CRISP2: variants seen among roughly 807,000 people sequenced by gnomAD.
The protein encoded by CRISP2 is cysteine-rich secretory protein 2.
In CRISP2, 29 loss-of-function variants were observed where a neutral mutation model predicts 31.7. The observed-to-expected ratio is 0.92, with a 90% CI of 0.68 to 1.25. The LOEUF is 1.25. Among genes scored for constraint, CRISP2 ranks in the 50% most tolerant of loss-of-function variants. CRISP2 has a pLI of 0.00. For synonymous variants in CRISP2, 111 were observed against 101.4 expected (o/e 1.09, Z -0.57); for missense variants, 318 against 286.5 (o/e 1.11, Z -0.79).
At chr6:49,707,915 T>C (rs1767349054) in intron 4 of CRISP2, among the ~76,000 whole-genome samples, 1 of 152,210 alleles carries the variant, frequency 6.6e-6, no homozygotes, top group African/African-American at 2.4e-5. Context: ...GAAATAACTC[T>C]AGGACCTGAA....
At chr6:49,713,778 G>A (rs1237539052), upstream of CRISP2, among the ~76,000 whole-genome samples, 2 of 152,144 alleles carry the variant, frequency 1.3e-5, no homozygotes, top group African/African-American at 4.8e-5. Context: ...GCATACCTGC[G>A]CCGTACTAGG....
At chr6:49,694,964 C>A (rs963237745) in intron 9 of CRISP2, among the ~76,000 whole-genome samples, 1 of 151,918 alleles carries the variant, frequency 6.6e-6, no homozygotes, top group East Asian at 1.9e-4. Context: ...GAACTCCTGA[C>A]CTTGTGATCC....
At chr6:49,689,018 C>T (rs1418970023), downstream of CRISP2, among the ~76,000 whole-genome samples, 3 of 151,946 alleles carry the variant, frequency 2.0e-5, no homozygotes, top group Admixed American at 6.6e-5. Context: ...ATTATAGGCA[C>T]CTGCCATGAC....
At chr6:49,702,240 G>T (rs180707127) in intron 4 of CRISP2, among the ~76,000 whole-genome samples, 7 of 136,932 alleles carry the variant, frequency 5.1e-5, no homozygotes, top group Admixed American at 4.9e-4. Context: ...CTATATTTTT[G>T]CAATTGTGAA....
chr6:49,683,982 A>ATTGTGGT, the CRISP2 span, among the ~76,000 whole-genome samples: 20 of 152,078 alleles, frequency 1.3e-4, 1 homozygote, highest in East Asian at 3.9e-3. Flanking sequence ...TAGTGCTTAA[A>ATTGTGGT]AGTATAAGAC....
chr6:49,713,588 T>A (rs1182445385), upstream of CRISP2: 2 of 152,210 alleles, frequency 1.3e-5, no homozygotes. Context: ...AGGCGCCACG[T>A]GTGGGCGACG....
chr6:49,685,562 G>A, the CRISP2 span, among the ~76,000 whole-genome samples: 1 of 151,950 alleles, frequency 6.6e-6, no homozygotes, highest in Non-Finnish European at 1.5e-5. Flanking sequence ...GAGAAACCTG[G>A]TTCTCATTAT....
At chr6:49,713,115 A>G (rs943358032) in intron 1 of CRISP2, among the ~76,000 whole-genome samples, 2 of 152,206 alleles carry the variant, frequency 1.3e-5, no homozygotes, top group African/African-American at 4.8e-5. Flanking sequence ...TGTACATTCA[A>G]AACATCAATT....
the CRISP2 span, among the ~76,000 whole-genome samples, chr6:49,683,683 AAAAAAAAAAAAATATATATATATATAT>A: frequency 1.9e-5 from 1 of 51,868 alleles, no homozygotes; most frequent in Non-Finnish European, 3.9e-5. Context: ...AAAAAAAAAA[AAAAAAAAAAAAATATATATATATATAT>A]ATATATATAT....
At chr6:49,697,638 A>G (rs1764990818) in intron 8 of CRISP2, 1 of 1,247,060 alleles carries the variant, frequency 8.0e-7, no homozygotes, top group Admixed American at 2.1e-5. Flanking sequence ...AAAAGACATT[A>G]TTCTGTTAAT....
chr6:49,704,589 G>T (rs372800949), intron 4 of CRISP2, among the ~76,000 whole-genome samples: 15 of 152,114 alleles, frequency 9.9e-5, no homozygotes, highest in African/African-American at 3.6e-4. Context: ...CTTCCTGAGA[G>T]CCAGACTGCA....
downstream of CRISP2, among the ~76,000 whole-genome samples, chr6:49,691,823 A>G (rs1218945688): frequency 6.6e-6 from 1 of 152,076 alleles, no homozygotes; most frequent in East Asian, 1.9e-4. Context: ...CTTAATGGTT[A>G]TAGGATGATT....
intron 4 of CRISP2, among the ~76,000 whole-genome samples, chr6:49,702,227 G>C (rs189134830): frequency 7.6e-6 from 1 of 132,266 alleles, no homozygotes; most frequent in Non-Finnish European, 1.6e-5. Context: ...ACTCGGGCTG[G>C]TTCTATATTT....
At chr6:49,683,774 CCTGA>C in the CRISP2 span, among the ~76,000 whole-genome samples, 217 of 128,334 alleles carry the variant, frequency 1.7e-3, 1 homozygote, top group South Asian at 0.019. Flanking sequence ...ATATTCTAAG[CCTGA>C]CTACCATTGA....
chr6:49,707,180 G>T (rs1767191126), intron 4 of CRISP2, among the ~76,000 whole-genome samples: 1 of 152,064 alleles, frequency 6.6e-6, no homozygotes, highest in Non-Finnish European at 1.5e-5. Context: ...AACATATCGA[G>T]AATAAAATAA....
At chr6:49,701,500 GTATA>G (rs1165518459) in intron 4 of CRISP2, among the ~76,000 whole-genome samples, 3,176 of 46,392 alleles carry the variant, frequency 0.068, 121 homozygotes, top group Non-Finnish European at 0.083. Flanking sequence ...GTGTGTGTGT[GTATA>G]TATATATATA....
rs767270333 is a variant in CRISP2, at chr6:49,709,231, CA to C, written c.-9-27del. On this transcript the variant is annotated intron_variant, in intron 3 of 9. Coordinates refer to ENST00000339139, the MANE Select transcript of CRISP2 (RefSeq NM_003296.4). Reference sequence around the variant, plus strand: ...CTAAGTCAAGAAAAACAAAGGTCTGCATTGAAATATGTAGTTTAAAAAACTT... The same window carrying C: ...CTAAGTCAAGAAAAACAAAGGTCTGCTTGAAATATGTAGTTTAAAAAACTT... 2.3e-4 allele frequency: 370 copies of C among 1,608,098 alleles called. 3 individuals are homozygous for C. In the South Asian group the frequency reaches 3.6e-3, roughly 16 times the overall value.
chr6:49,712,089 A>T (rs1022288248), intron 2 of CRISP2, among the ~76,000 whole-genome samples: 1 of 152,210 alleles, frequency 6.6e-6, no homozygotes, highest in African/African-American at 2.4e-5. Flanking sequence ...GTATAATCTA[A>T]TTCGAGATTC....
In CRISP2 at chr6:49,709,249, A is replaced by C; in HGVS notation, c.-9-44T>G. Reference sequence around the variant, plus strand: ...AGGTCTGCATTGAAATATGTAGTTTAAAAAACTTCTAAGAGGGGGAATACC... The same window carrying C: ...AGGTCTGCATTGAAATATGTAGTTTCAAAAACTTCTAAGAGGGGGAATACC... On this transcript the variant is annotated intron_variant, in intron 3 of 9. Coordinates refer to ENST00000339139, the MANE Select transcript of CRISP2 (RefSeq NM_003296.4). The C allele has an allele frequency of 1.9e-6, 3 of 1,562,050 alleles. No homozygotes were observed. The East Asian group carries it at 6.7e-5, about 35-fold the overall frequency.
Sources: gnomAD v4.1 joint callset for allele counts (sites outside exome capture counted in the v4.1 genomes callset) on GRCh38, gnomAD v4.1.1 for gene constraint, MANE v1.5 for transcripts, NCBI Gene and HGNC (gene_info 2026-07-23, HGNC 2026-07-21) for gene names.